The following FGF10 variants were observed in gnomAD, a reference collection of about 807,000 sequenced individuals.
The protein encoded by FGF10 is fibroblast growth factor 10.
A neutral mutation model predicts 19.8 loss-of-function variants in FGF10; 2 were observed. The ratio of observed to expected loss-of-function variants is 0.10; its 90% CI spans 0.04 to 0.32. The LOEUF is 0.32. Ranked by LOEUF, FGF10 falls within the 10% of genes least tolerant of loss-of-function variation. The pLI, the probability that FGF10 is intolerant of heterozygous loss-of-function variation, is 1.00. For missense variants in FGF10, 191 were observed against 246.3 expected (o/e 0.78, Z 1.50); for synonymous variants, 112 against 94.0 (o/e 1.19, Z -1.10).
chr5:44,330,114 T>A (rs1422081979), intron 1 of FGF10, among the ~76,000 whole-genome samples: 1 of 152,230 alleles, frequency 6.6e-6, no homozygotes, highest in Admixed American at 6.5e-5. Context: ...CAGTAAGTTG[T>A]CTAATCCTTT....
chr5:44,325,199 G>C (rs181502242), intron 1 of FGF10, among the ~76,000 whole-genome samples: 3 of 152,122 alleles, frequency 2.0e-5, no homozygotes, highest in Admixed American at 6.6e-5. Context: ...CATCTCACAC[G>C]AGTTAGAATG....
At chr5:44,330,731 T>C (rs1382853568) in intron 1 of FGF10, among the ~76,000 whole-genome samples, 1 of 152,188 alleles carries the variant, frequency 6.6e-6, no homozygotes, top group Admixed American at 6.5e-5. Flanking sequence ...TCATGGCTGT[T>C]GCACTATTTG....
intron 2 of FGF10, among the ~76,000 whole-genome samples, chr5:44,306,793 C>T (rs1740086329): frequency 6.6e-6 from 1 of 152,042 alleles, no homozygotes; most frequent in Non-Finnish European, 1.5e-5. Flanking sequence ...TTAAATATAA[C>T]ATTCAAATGA....
chr5:44,377,075 T>C (rs1362649885), intron 1 of FGF10, among the ~76,000 whole-genome samples: 1 of 152,222 alleles, frequency 6.6e-6, no homozygotes, highest in African/African-American at 2.4e-5. Context: ...CTCCCTGTGA[T>C]TTCCTGAAAA....
chr5:44,341,112 G>A (rs908851174), intron 1 of FGF10, among the ~76,000 whole-genome samples: 2 of 152,080 alleles, frequency 1.3e-5, no homozygotes, highest in African/African-American at 4.8e-5. Flanking sequence ...TAGCGTAAAA[G>A]TTTGCATATG....
At position 44,320,042 on chromosome 5, in the gene FGF10, G is replaced by A. The variant is rs193198110; in HGVS notation, c.326-9512C>T. Among the ~76,000 whole-genome samples the A allele has an allele frequency of 1.8e-3, 271 of 152,232 alleles. 1 individual carries two copies. Among genetic ancestry groups the A allele is most frequent in the Non-Finnish European group, 3.0e-3 (206 of 68,018 alleles). Reference sequence around the variant, plus strand: ...CAGCATTAGATTCTCATAGGAGCTCGAACACTATTGTGAACTGCATATGTG... The same window carrying A: ...CAGCATTAGATTCTCATAGGAGCTCAAACACTATTGTGAACTGCATATGTG... On this transcript the variant is annotated intron_variant, in intron 1 of 2. Transcript: ENST00000264664.
At chr5:44,320,549 T>C (rs1740461291) in intron 1 of FGF10, among the ~76,000 whole-genome samples, 1 of 152,174 alleles carries the variant, frequency 6.6e-6, no homozygotes, top group East Asian at 1.9e-4. Flanking sequence ...ACTTAAATTA[T>C]GGGTTCACTG....
intron 1 of FGF10, among the ~76,000 whole-genome samples, chr5:44,342,062 G>A (rs1740983909): frequency 1.3e-5 from 2 of 151,792 alleles, no homozygotes; most frequent in Non-Finnish European, 1.5e-5. Flanking sequence ...CCTCACTCTA[G>A]CAATAACATT....
At chr5:44,325,066 A>T (rs949976956) in intron 1 of FGF10, among the ~76,000 whole-genome samples, 3 of 152,210 alleles carry the variant, frequency 2.0e-5, no homozygotes, top group African/African-American at 4.8e-5. Flanking sequence ...TAGTGTCATA[A>T]TAAGTGGGCG....
At chr5:44,323,162 G>A (rs1201703230) in intron 1 of FGF10, among the ~76,000 whole-genome samples, 2 of 152,092 alleles carry the variant, frequency 1.3e-5, no homozygotes, top group Non-Finnish European at 2.9e-5. Context: ...CCATGGAAAT[G>A]TCCTATTTTT....
At chr5:44,348,399 G>A (rs1741134639) in intron 1 of FGF10, among the ~76,000 whole-genome samples, 1 of 151,536 alleles carries the variant, frequency 6.6e-6, no homozygotes, top group African/African-American at 2.4e-5. Context: ...GTCTCACCTA[G>A]TTCTGAAAAC....
chr5:44,350,713 G>T, intron 1 of FGF10, among the ~76,000 whole-genome samples: 1 of 150,112 alleles, frequency 6.7e-6, no homozygotes. Flanking sequence ...AAATAAAAAT[G>T]TTTTATTCTA....
intron 1 of FGF10, among the ~76,000 whole-genome samples, chr5:44,326,751 G>A (rs1353364838): frequency 6.6e-6 from 1 of 151,978 alleles, no homozygotes; most frequent in Admixed American, 6.6e-5. Context: ...ACCTGATGCT[G>A]TACTACCAGC....
intron 1 of FGF10, 51 bp from the exon 2 acceptor site, chr5:44,310,581 G>C: frequency 7.5e-7 from 1 of 1,337,338 alleles, no homozygotes; most frequent in African/African-American, 1.5e-5. Context: ...AATATATTTG[G>C]AAGAAAAGTA....
chr5:44,324,618 A>G (rs1283514732), intron 1 of FGF10, among the ~76,000 whole-genome samples: 1 of 152,164 alleles, frequency 6.6e-6, no homozygotes, highest in Non-Finnish European at 1.5e-5. Context: ...ACTAGCTTAT[A>G]AAGTGTTGTC....
chr5:44,364,512 A>C (rs1342815931), intron 1 of FGF10, among the ~76,000 whole-genome samples: 3 of 151,842 alleles, frequency 2.0e-5, no homozygotes, highest in Non-Finnish European at 4.4e-5. Context: ...TGTGCTACAA[A>C]ACCCAGGGCA....
Position 44,350,387 on chromosome 5 carries a change from T to A in FGF10, c.325+37971A>T, listed in dbSNP as rs1031232986. ...ATCCATTTAATGTGTAATTATATAA[T>A]CATAGATACAGGGAAAAAAATAAAA... is the stretch of plus-strand genomic sequence containing the variant. On this transcript the variant is annotated intron_variant, in intron 1 of 2. Coordinates refer to ENST00000264664, the MANE Select transcript of FGF10 (RefSeq NM_004465.2). Among the ~76,000 whole-genome samples the A allele has an allele frequency of 2.0e-5, 3 of 150,618 alleles. No homozygotes were observed. The East Asian group carries it at 5.9e-4, about 29-fold the overall frequency.
Position 44,365,959 on chromosome 5 carries a change from C to T in FGF10, c.325+22399G>A, listed in dbSNP as rs371456956. Among the ~76,000 whole-genome samples, 22 of 151,590 alleles carry T rather than the reference C, an allele frequency of 1.5e-4. 1 individual carries two copies. The highest frequency in any genetic ancestry group is 7.8e-4 in the East Asian group (4 of 5,104). On this transcript the variant is annotated intron_variant, in intron 1 of 2. Transcript: ENST00000264664. ...TGACCACAGTTGGAAAATTTCTGGG[C>T]GCATAAAATTAAGATAAATTATTTC...
rs1742175178 is a variant in FGF10, at chr5:44,388,897, G to GC, written c.-216dup. The GC allele has an allele frequency of 1.7e-6, 1 of 605,922 alleles. No homozygotes were observed. Among genetic ancestry groups the GC allele is most frequent in the African/African-American group, 1.8e-5 (1 of 54,312 alleles). 37.5% of individuals were successfully genotyped at this position (605,922 alleles called of 1,614,324 possible). A position where few individuals can be genotyped will look rare whatever the true frequency, so the allele number is the denominator to read the frequency against. On this transcript the variant is annotated 5_prime_UTR_variant, in exon 1 of 3. Transcript: ENST00000264664. ...CTCCTTTCTCGGATCCGCTGCCTACGCCTCTGGAGCCTCCCGGTAAATGGT... is the reference window on the plus strand; with the variant it reads ...CTCCTTTCTCGGATCCGCTGCCTACGCCCTCTGGAGCCTCCCGGTAAATGGT...
Sources: gnomAD v4.1 joint callset for allele counts (sites outside exome capture counted in the v4.1 genomes callset) on GRCh38, gnomAD v4.1.1 for gene constraint, MANE v1.5 for transcripts, NCBI Gene and HGNC (gene_info 2026-07-23, HGNC 2026-07-21) for gene names.